IMMP2L: variants seen among roughly 807,000 people sequenced by gnomAD.
The protein encoded by IMMP2L is inner mitochondrial membrane peptidase subunit 2.
In IMMP2L, 18 loss-of-function variants were observed where a neutral mutation model predicts 19.3. The observed-to-expected ratio is 0.93, with a 90% CI of 0.64 to 1.38. The LOEUF (loss-of-function observed/expected upper bound fraction) is 1.38, where lower values mean the gene tolerates loss of function less well. Ranked by LOEUF, IMMP2L falls within the 40% of genes most tolerant of loss-of-function variation. The probability of loss-of-function intolerance (pLI) is 0.00; values close to 1 mark genes in which losing one functional copy is unlikely to be tolerated. For missense variants in IMMP2L, 233 were observed against 218.2 expected, an observed-to-expected ratio of 1.07 and a Z score of -0.43; for synonymous variants, 76 against 73.0, an observed-to-expected ratio of 1.04 and a Z score of -0.21.
chr7:110,676,031 G>C (rs1464627998), intron 5 of IMMP2L, among the ~76,000 whole-genome samples: 1 of 152,062 alleles, frequency 6.6e-6, no homozygotes, highest in East Asian at 1.9e-4. Flanking sequence ...ATTGCATTTT[G>C]CAAAAGAAAA....
intron 2 of IMMP2L, among the ~76,000 whole-genome samples, chr7:111,518,802 A>G (rs1470733134): frequency 6.6e-6 from 1 of 152,150 alleles, no homozygotes; most frequent in Non-Finnish European, 1.5e-5. Context: ...CATGAAATAT[A>G]GATCCAATTG....
intron 5 of IMMP2L, among the ~76,000 whole-genome samples, chr7:110,671,740 AG>A (rs78860183): frequency 0.11 from 16,331 of 152,170 alleles, 1,136 homozygotes; most frequent in South Asian, 0.26. Flanking sequence ...GGCTTCAGGT[AG>A]TTTCACCCTC....
chr7:111,169,620 G>T (rs1287799962), intron 3 of IMMP2L, among the ~76,000 whole-genome samples: 1 of 151,744 alleles, frequency 6.6e-6, no homozygotes, highest in Admixed American at 6.6e-5. Context: ...CATAGCATTT[G>T]CCCTGTGACT....
At chr7:111,556,123 A>G (rs1791326822) in intron 1 of IMMP2L, among the ~76,000 whole-genome samples, 1 of 149,280 alleles carries the variant, frequency 6.7e-6, no homozygotes, top group South Asian at 2.1e-4. Context: ...ATATGTGTGC[A>G]TACAGAGATG....
intron 5 of IMMP2L, among the ~76,000 whole-genome samples, chr7:110,863,785 C>T (rs1807701127): frequency 6.6e-6 from 1 of 152,072 alleles, no homozygotes; most frequent in Non-Finnish European, 1.5e-5. Flanking sequence ...GAATGTATTT[C>T]AATGTACGAT....
At chr7:111,522,363 G>A (rs781291229) in intron 1 of IMMP2L, among the ~76,000 whole-genome samples, 2 of 152,034 alleles carry the variant, frequency 1.3e-5, no homozygotes, top group Non-Finnish European at 2.9e-5. Flanking sequence ...TCAACGTAAT[G>A]AAGAGACAAC....
intron 4 of IMMP2L, among the ~76,000 whole-genome samples, chr7:110,939,828 C>T (rs1465320316): frequency 2.6e-5 from 4 of 152,112 alleles, no homozygotes; most frequent in Non-Finnish European, 4.4e-5. Flanking sequence ...AGGGCTTACA[C>T]AGAAAAGACT....
chr7:110,703,559 A>G (rs988831627), intron 5 of IMMP2L, among the ~76,000 whole-genome samples: 4 of 152,136 alleles, frequency 2.6e-5, no homozygotes, highest in African/African-American at 9.7e-5. Flanking sequence ...TAGCTCATTT[A>G]TATTTTAAAA....
At chr7:110,942,396 T>G (rs924506158) in intron 4 of IMMP2L, among the ~76,000 whole-genome samples, 2 of 151,956 alleles carry the variant, frequency 1.3e-5, no homozygotes, top group Non-Finnish European at 1.5e-5. Context: ...TTCTTTTTCA[T>G]GTACAAAGCA....
chr7:110,962,378 T>A (rs1819042889), intron 4 of IMMP2L: 1 of 151,916 alleles, frequency 6.6e-6, no homozygotes, highest in African/African-American at 2.4e-5. Flanking sequence ...ACAAAAAGAA[T>A]ACGATTTAAA....
intron 3 of IMMP2L, among the ~76,000 whole-genome samples, chr7:111,464,238 C>T (rs753814668): frequency 1.3e-5 from 2 of 152,148 alleles, no homozygotes; most frequent in African/African-American, 4.8e-5. Context: ...CTTTGGGAAG[C>T]CGAGGTGGGA....
chr7:111,237,128 G>C (rs1814421318), intron 3 of IMMP2L, among the ~76,000 whole-genome samples: 1 of 152,110 alleles, frequency 6.6e-6, no homozygotes, highest in African/African-American at 2.4e-5. Flanking sequence ...TATCCTAGTT[G>C]ATGGAATAAA....
intron 3 of IMMP2L, among the ~76,000 whole-genome samples, chr7:110,994,774 C>T (rs1007914179): frequency 1.6e-4 from 25 of 152,164 alleles, no homozygotes; most frequent in African/African-American, 5.3e-4. Flanking sequence ...GGCACAATCT[C>T]TTCAGCACCT....
rs529451313 is a variant in IMMP2L at position 111,452,856 on chromosome 7, C to CA, written c.239+34381dup. On this transcript the variant is annotated intron_variant, in intron 3 of 5. Coordinates refer to ENST00000405709, the MANE Select transcript of IMMP2L (RefSeq NM_032549.4). ...CTTTTCTATAGTACTTATCTCCTAA[C>CA]AAAAAAATGTACATATTTACTATAC... Among the ~76,000 whole-genome samples the CA allele has an allele frequency of 2.1e-4, 32 of 152,102 alleles. No homozygotes were observed. In the East Asian group the frequency reaches 4.1e-3, roughly 19 times the overall value.
chr7:111,131,424 T>A (rs920387066), intron 3 of IMMP2L, among the ~76,000 whole-genome samples: 1 of 151,986 alleles, frequency 6.6e-6, no homozygotes, highest in Non-Finnish European at 1.5e-5. Flanking sequence ...GCATTTATAT[T>A]TACTTGAGTA....
At chr7:111,421,436 A>AT (rs1387133108) in intron 3 of IMMP2L, among the ~76,000 whole-genome samples, 34 of 148,894 alleles carry the variant, frequency 2.3e-4, no homozygotes, top group African/African-American at 7.0e-4. Context: ...TGCCCGGCTA[A>AT]TTTTTTTTTG....
At chr7:111,445,378 C>T (rs1006552708) in intron 3 of IMMP2L, among the ~76,000 whole-genome samples, 1 of 151,898 alleles carries the variant, frequency 6.6e-6, no homozygotes, top group Admixed American at 6.6e-5. Context: ...TTTATTCCCC[C>T]TTTCCTAGAA....
intron 3 of IMMP2L, among the ~76,000 whole-genome samples, chr7:111,476,862 T>C (rs959370479): frequency 2.0e-5 from 3 of 152,172 alleles, no homozygotes; most frequent in Admixed American, 6.5e-5. Context: ...CCTCTGTTTC[T>C]AAGGGCTCAT....
intron 3 of IMMP2L, among the ~76,000 whole-genome samples, chr7:111,046,758 G>A (rs1792436692): frequency 6.6e-6 from 1 of 152,144 alleles, no homozygotes; most frequent in Non-Finnish European, 1.5e-5. Context: ...AACAAGGGAT[G>A]AAATGATAAC....
Sources: allele counts gnomAD v4.1 joint callset (sites outside exome capture counted in the v4.1 genomes callset), GRCh38; gene constraint gnomAD v4.1.1; transcripts MANE v1.5; gene names NCBI Gene and HGNC (gene_info 2026-07-23, HGNC 2026-07-21).